The following FLVCR2 variants were observed in gnomAD, a reference collection of about 807,000 sequenced individuals.
FLVCR2 encodes the protein FLVCR choline and putative heme transporter 2.
FLVCR2 carries 38 observed loss-of-function variants against 48.9 expected under a neutral mutation model. The observed-to-expected ratio is 0.78, with a 90% CI of 0.60 to 1.02. The LOEUF (loss-of-function observed/expected upper bound fraction) is 1.02. FLVCR2 is among the 50% of genes least tolerant of loss of function. The pLI, the probability that FLVCR2 is intolerant of heterozygous loss-of-function variation, is 0.00. For missense variants in FLVCR2, 664 were observed against 663.3 expected (o/e 1.00, Z -0.01); for synonymous variants, 255 against 257.0 (o/e 0.99, Z 0.07).
intron 1 of FLVCR2, chr14:75,605,835 G>C (rs966951811): frequency 7.0e-6 from 4 of 570,968 alleles, no homozygotes; most frequent in African/African-American, 1.9e-5. Flanking sequence ...GAGCAAGGTT[G>C]GGAGCTGGTT....
chr14:75,636,839 C>T (rs188949622), intron 5 of FLVCR2, among the ~76,000 whole-genome samples: 7 of 152,296 alleles, frequency 4.6e-5, no homozygotes, highest in Non-Finnish European at 1.0e-4. Context: ...CAGACTGGGA[C>T]TACAAATAGT....
At chr14:75,595,535 A>G (rs561141048) in intron 1 of FLVCR2, among the ~76,000 whole-genome samples, 8 of 152,328 alleles carry the variant, frequency 5.3e-5, no homozygotes, top group South Asian at 4.1e-4. Context: ...AGTCATGGCC[A>G]CTTGGGTATG....
chr14:75,640,825 T>C (rs962372208), intron 6 of FLVCR2, 130 bp from the exon 7 acceptor site: 11 of 729,328 alleles, frequency 1.5e-5, no homozygotes, highest in Middle Eastern at 2.8e-4. Flanking sequence ...GCCCAGATCA[T>C]TAGAGGGCCT....
intron 9 of FLVCR2, among the ~76,000 whole-genome samples, chr14:75,645,349 C>T (rs1354400141): frequency 6.6e-6 from 1 of 152,144 alleles, no homozygotes; most frequent in Non-Finnish European, 1.5e-5. Context: ...TGCACCTGTG[C>T]CCAAGGCCTT....
chr14:75,639,245 G>C (rs1477718574), intron 5 of FLVCR2, 107 bp from the exon 6 acceptor site: 2 of 781,214 alleles, frequency 2.6e-6, no homozygotes, highest in Non-Finnish European at 4.5e-6. Context: ...ACATAGCAGA[G>C]GGCTTGACAT....
At chr14:75,601,381 C>T (rs1889163247) in intron 1 of FLVCR2, among the ~76,000 whole-genome samples, 1 of 152,202 alleles carries the variant, frequency 6.6e-6, no homozygotes, top group Non-Finnish European at 1.5e-5. Context: ...TGTTTATGGC[C>T]AGTTTTGGGG....
At chr14:75,606,366 T>G (rs1378091305) in intron 1 of FLVCR2, among the ~76,000 whole-genome samples, 1 of 152,156 alleles carries the variant, frequency 6.6e-6, no homozygotes, top group Non-Finnish European at 1.5e-5. Flanking sequence ...CAAGGCTGTT[T>G]GTTTGGGCTA....
chr14:75,645,369 C>T (rs1890398925), intron 9 of FLVCR2, among the ~76,000 whole-genome samples: 1 of 152,148 alleles, frequency 6.6e-6, no homozygotes, highest in Non-Finnish European at 1.5e-5. Flanking sequence ...TCTTGTGAAT[C>T]AGAAGAACCC....
chr14:75,603,254 T>C (rs1379182288), intron 1 of FLVCR2, among the ~76,000 whole-genome samples: 1 of 152,200 alleles, frequency 6.6e-6, no homozygotes, highest in Admixed American at 6.5e-5. Flanking sequence ...GAATATTGCC[T>C]TTTCCAAAAC....
chr14:75,642,119 C>T, intron 9 of FLVCR2: 1 of 593,140 alleles, frequency 1.7e-6, no homozygotes, highest in Non-Finnish European at 3.0e-6. Context: ...TCTTCTCCCA[C>T]TTCCTGCCCT....
At chr14:75,607,678 G>C (rs191325884) in intron 1 of FLVCR2, among the ~76,000 whole-genome samples, 65 of 152,268 alleles carry the variant, frequency 4.3e-4, no homozygotes, top group African/African-American at 1.5e-3. Context: ...TGATCTCACT[G>C]GGTGGTTTTG....
chr14:75,622,368 T>C, intron 2 of FLVCR2, 148 bp downstream of exon 2: 1 of 866,082 alleles, frequency 1.2e-6, no homozygotes, highest in Non-Finnish European at 1.9e-6. Flanking sequence ...TCTTCAAATG[T>C]TTTAGCCTGG....
At chr14:75,584,052 C>G (rs1289698862) in intron 1 of FLVCR2, among the ~76,000 whole-genome samples, 5 of 152,216 alleles carry the variant, frequency 3.3e-5, no homozygotes, top group Non-Finnish European at 7.3e-5. Flanking sequence ...CCGACCTCCA[C>G]TGGGGGCCCG....
intron 1 of FLVCR2, among the ~76,000 whole-genome samples, chr14:75,595,518 G>A (rs575688080): frequency 6.6e-6 from 1 of 152,342 alleles, no homozygotes; most frequent in Admixed American, 6.5e-5. Flanking sequence ...GCCTAGTCTT[G>A]TTCCAAAGTC....
Position 75,595,775 on chromosome 14 carries a change from A to G in FLVCR2, c.669+16134A>G, listed in dbSNP as rs878958428. 1.1e-5 allele frequency: 8 copies of G among 712,742 alleles called. No individual in the cohort carries two copies. The Admixed American group carries it at 1.1e-4, about 10-fold the overall frequency. 44.2% of individuals were successfully genotyped at this position (712,742 alleles called of 1,614,324 possible). A position where few individuals can be genotyped will look rare whatever the true frequency, so the allele number is the denominator to read the frequency against. On this transcript the variant is annotated intron_variant, in intron 1 of 9. Transcript: ENST00000238667. ...TTAATATTCTTGTGAAAAATCCACA[A>G]TGGCCACAGATTACACCATTGCAGC...
At chr14:75,608,107 T>C (rs1240183172) in intron 1 of FLVCR2, among the ~76,000 whole-genome samples, 1 of 152,100 alleles carries the variant, frequency 6.6e-6, no homozygotes, top group Non-Finnish European at 1.5e-5. Flanking sequence ...CCTTTGACAG[T>C]AGAATAAAAA....
At chr14:75,633,578 GCC>G (rs1271874726) in intron 3 of FLVCR2, 49 bp from the exon 4 acceptor site, 1 of 1,427,658 alleles carries the variant, frequency 7.0e-7, no homozygotes, top group African/African-American at 1.4e-5. Flanking sequence ...GTTAGCAATG[GCC>G]CCAGAAGAAA....
intron 1 of FLVCR2, among the ~76,000 whole-genome samples, chr14:75,611,600 G>A (rs1273813396): frequency 6.6e-6 from 1 of 151,764 alleles, no homozygotes; most frequent in East Asian, 1.9e-4. Context: ...AGCCAGGTGT[G>A]TTGGGCGCAT....
At chr14:75,585,297 C>T (rs948635779) in intron 1 of FLVCR2, among the ~76,000 whole-genome samples, 1 of 152,118 alleles carries the variant, frequency 6.6e-6, no homozygotes, top group African/African-American at 2.4e-5. Context: ...GCCCATTTTT[C>T]GACAAAAATT....
Sources: gnomAD v4.1 joint callset for allele counts (sites outside exome capture counted in the v4.1 genomes callset) on GRCh38, gnomAD v4.1.1 for gene constraint, MANE v1.5 for transcripts, NCBI Gene and HGNC (gene_info 2026-07-23, HGNC 2026-07-21) for gene names.